The following PHF24 variants were observed in gnomAD, a reference collection of about 807,000 sequenced individuals.
The protein encoded by PHF24 is Galpha inhibitory interacting protein.
In PHF24, 25 loss-of-function variants were observed where a neutral mutation model predicts 42.6. The observed-to-expected ratio is 0.59, with a 90% CI of 0.43 to 0.82. The LOEUF (loss-of-function observed/expected upper bound fraction) is 0.82, where lower values mean the gene tolerates loss of function less well. Ranked by LOEUF, PHF24 falls within the 40% of genes least tolerant of loss-of-function variation. PHF24 has a pLI of 0.00. For missense variants in PHF24, 470 were observed against 538.1 expected (o/e 0.87, Z 1.25); for synonymous variants, 185 against 204.8 (o/e 0.90, Z 0.83).
the PHF24 span, among the ~76,000 whole-genome samples, chr9:34,880,711 T>C: frequency 2.0e-5 from 3 of 152,048 alleles, no homozygotes; most frequent in African/African-American, 7.2e-5. Flanking sequence ...ATAAAGCAAG[T>C]CCTTAGAGAC....
the PHF24 span, among the ~76,000 whole-genome samples, chr9:34,693,004 T>G: frequency 1.3e-5 from 2 of 152,102 alleles, no homozygotes; most frequent in African/African-American, 4.8e-5. Flanking sequence ...CTAGGCTGGT[T>G]TCGAACTCCT....
the PHF24 span, among the ~76,000 whole-genome samples, chr9:34,703,556 A>G: frequency 1.3e-5 from 2 of 152,184 alleles, no homozygotes; most frequent in African/African-American, 2.4e-5. Context: ...GATATCATTA[A>G]TAAGTAGGAA....
chr9:34,775,698 C>A, the PHF24 span, among the ~76,000 whole-genome samples: 3 of 152,200 alleles, frequency 2.0e-5, no homozygotes, highest in Admixed American at 1.3e-4. Flanking sequence ...ATCCTTGTTT[C>A]CCAAAGGGTT....
the PHF24 span, among the ~76,000 whole-genome samples, chr9:34,937,874 C>A: frequency 6.6e-6 from 1 of 152,152 alleles, no homozygotes; most frequent in African/African-American, 2.4e-5. Flanking sequence ...ATTAGTTTCC[C>A]TTTTGTTATC....
the PHF24 span, among the ~76,000 whole-genome samples, chr9:34,896,712 G>T: frequency 5.3e-5 from 8 of 151,882 alleles, no homozygotes; most frequent in Non-Finnish European, 1.2e-4. Context: ...TTAACCCCGG[G>T]ATCTACCACT....
chr9:34,690,447 T>TGTGTGTGTGTGTGTGTGC, the PHF24 span: 1 of 942,314 alleles, frequency 1.1e-6, no homozygotes, highest in Non-Finnish European at 1.6e-6. Flanking sequence ...TGTGTGTGTG[T>TGTGTGTGTGTGTGTGTGC]GTGTGTGTGT....
At chr9:34,835,522 C>T in the PHF24 span, 2 of 1,551,844 alleles carry the variant, frequency 1.3e-6, no homozygotes, top group Non-Finnish European at 1.7e-6. Flanking sequence ...TCAGGGACAG[C>T]AAGGAGACCT....
At chr9:34,753,844 C>T in the PHF24 span, among the ~76,000 whole-genome samples, 1 of 152,034 alleles carries the variant, frequency 6.6e-6, no homozygotes, top group African/African-American at 2.4e-5. Flanking sequence ...GCATCTACAG[C>T]GAACTCATTT....
In PHF24 at chr9:34,973,631, G is replaced by A. The variant is rs143707158; in HGVS notation, c.564+1100G>A. ...TCTTCCTGCTGCTTAGACGAAAGCA[G>A]AGATGTGCCACTTTCTAACAAATAA... On this transcript the variant is annotated intron_variant, in intron 3 of 7. Transcript: ENST00000242315. 2.0e-5 allele frequency among the ~76,000 whole-genome samples: 3 copies of A among 152,334 alleles called. No homozygotes were observed. The East Asian group carries it at 5.8e-4, about 29-fold the overall frequency.
At chr9:34,971,803 A>C (rs1282732766) in intron 2 of PHF24, 127 bp downstream of exon 2, 4 of 1,084,800 alleles carry the variant, frequency 3.7e-6, no homozygotes, top group Non-Finnish European at 5.2e-6. Flanking sequence ...AAATCTTTGA[A>C]TTTCTTCTGT....
chr9:34,724,493 T>A, the PHF24 span: 37 of 1,551,678 alleles, frequency 2.4e-5, no homozygotes, highest in Admixed American at 3.9e-5. Flanking sequence ...TGCAACAGTT[T>A]GTTCCCTGGA....
chr9:34,754,309 T>G, the PHF24 span, among the ~76,000 whole-genome samples: 1 of 152,064 alleles, frequency 6.6e-6, no homozygotes, highest in Admixed American at 6.5e-5. Context: ...CTGGAATATA[T>G]TAGGAGCACT....
chr9:34,716,297 G>T, the PHF24 span, among the ~76,000 whole-genome samples: 1 of 152,222 alleles, frequency 6.6e-6, no homozygotes. Flanking sequence ...CATTGATGTT[G>T]TGGTTCCAAA....
chr9:34,723,632 T>C, the PHF24 span: 3 of 1,551,768 alleles, frequency 1.9e-6, no homozygotes, highest in South Asian at 3.6e-5. Context: ...AAGGCTGGGC[T>C]TCTTTTGAGC....
chr9:34,911,735 C>A, the PHF24 span, among the ~76,000 whole-genome samples: 1 of 152,046 alleles, frequency 6.6e-6, no homozygotes, highest in Non-Finnish European at 1.5e-5. Context: ...ACTGTCCAGC[C>A]CATGTCTAGC....
At chr9:34,835,621 T>A in the PHF24 span, 3 of 1,551,736 alleles carry the variant, frequency 1.9e-6, no homozygotes, top group Non-Finnish European at 2.6e-6. Context: ...AGCCCTTGGC[T>A]TGTCAAGCCT....
At chr9:34,796,547 C>T in the PHF24 span, among the ~76,000 whole-genome samples, 6 of 151,862 alleles carry the variant, frequency 4.0e-5, no homozygotes, top group East Asian at 1.9e-4. Flanking sequence ...TAAAAAATGC[C>T]GAAAAGCTCA....
intron 3 of PHF24, among the ~76,000 whole-genome samples, chr9:34,974,290 C>A (rs1827110004): frequency 6.6e-6 from 1 of 152,226 alleles, no homozygotes; most frequent in Admixed American, 6.5e-5. Context: ...TCACCAGTCA[C>A]CTCCTAATTG....
chr9:34,766,283 T>A, the PHF24 span, among the ~76,000 whole-genome samples: 1 of 152,248 alleles, frequency 6.6e-6, no homozygotes, highest in South Asian at 2.1e-4. Context: ...CTGGATAATA[T>A]CTTGCAGAGT....
Sources: allele counts gnomAD v4.1 joint callset (sites outside exome capture counted in the v4.1 genomes callset), GRCh38; gene constraint gnomAD v4.1.1; transcripts MANE v1.5; gene names NCBI Gene and HGNC (gene_info 2026-07-23, HGNC 2026-07-21).